Variants in GMEB1 observed in about 807,000 individuals in gnomAD.
GMEB1 encodes glucocorticoid modulatory element binding protein 1.
Under a neutral mutation model 52.4 loss-of-function variants are expected in GMEB1, and 6 were observed. That is an observed-to-expected ratio of 0.11 (90% CI 0.06 to 0.23). The LOEUF is 0.23. Among genes scored for constraint, GMEB1 ranks in the 10% least tolerant of loss-of-function variants. The probability of loss-of-function intolerance (pLI) is 1.00; values close to 1 mark genes in which losing one functional copy is unlikely to be tolerated. For missense variants in GMEB1, 486 were observed against 685.6 expected, an observed-to-expected ratio of 0.71 and a Z score of 3.25; for synonymous variants, 255 against 244.9, an observed-to-expected ratio of 1.04 and a Z score of -0.38.
intron 2 of GMEB1, among the ~76,000 whole-genome samples, chr1:28,685,596 A>G (rs1328604155): frequency 1.3e-5 from 2 of 152,180 alleles, no homozygotes; most frequent in South Asian, 2.1e-4. Flanking sequence ...CTATGGCCAT[A>G]GTAGATATAG....
intron 1 of GMEB1, among the ~76,000 whole-genome samples, chr1:28,672,712 T>C (rs1284040997): frequency 6.6e-6 from 1 of 150,704 alleles, no homozygotes; most frequent in Non-Finnish European, 1.5e-5. Context: ...CCCTCCCCAC[T>C]CTGGCCTGGG....
chr1:28,687,377 C>CAAAAAAAAAAAAA lies in GMEB1; in HGVS notation c.129-2726_129-2725insAAAAAAAAAAAAA, dbSNP rs1260455703. ...ACACACACACACACACACACACACACACACACACACAAAAAAAGACAGTGG... is the reference window on the plus strand; with the variant it reads ...ACACACACACACACACACACACACACAAAAAAAAAAAAAACACACACACAAAAAAAGACAGTGG... On this transcript the variant is annotated intron_variant, in intron 2 of 9. Transcript: ENST00000373816. Among the ~76,000 whole-genome samples the CAAAAAAAAAAAAA allele has an allele frequency of 1.4e-3, 21 of 14,788 alleles. 6 individuals carry two copies. The highest frequency in any genetic ancestry group is 2.5e-3 in the African/African-American group (13 of 5,152). 9.7% of individuals were successfully genotyped at this position (14,788 alleles called of 152,430 possible).
At chr1:28,686,349 A>T (rs1669638946) in intron 2 of GMEB1, among the ~76,000 whole-genome samples, 1 of 151,614 alleles carries the variant, frequency 6.6e-6, no homozygotes, top group South Asian at 2.1e-4. Flanking sequence ...TCAAAAAAAC[A>T]AAAAAAAGGC....
chr1:28,694,637 T>C, intron 5 of GMEB1, among the ~76,000 whole-genome samples: 1 of 151,910 alleles, frequency 6.6e-6, no homozygotes, highest in East Asian at 1.9e-4. Context: ...TGAGCCAGTG[T>C]GGCCAGCTGA....
chr1:28,674,885 A>C (rs1019575156), intron 1 of GMEB1, among the ~76,000 whole-genome samples: 1 of 138,298 alleles, frequency 7.2e-6, no homozygotes, highest in African/African-American at 2.7e-5. Context: ...CGCCCGGCTA[A>C]TTTTTTGTAT....
intron 1 of GMEB1, among the ~76,000 whole-genome samples, chr1:28,670,340 T>C (rs1668827403): frequency 6.6e-6 from 1 of 150,426 alleles, no homozygotes; most frequent in African/African-American, 2.5e-5. Context: ...TTGTTGTTGT[T>C]GTTTGAGACG....
intron 4 of GMEB1, among the ~76,000 whole-genome samples, chr1:28,692,468 T>A (rs1225370255): frequency 6.6e-6 from 1 of 151,710 alleles, no homozygotes; most frequent in East Asian, 1.9e-4. Context: ...GGGGCAGAGG[T>A]TGCAGTGAGT....
rs1337890599 is a variant in GMEB1 at position 28,714,115 on chromosome 1, A to C, written c.1034A>C (p.Asp345Ala). The C allele has an allele frequency of 6.2e-7, 1 of 1,613,486 alleles. No individual in the cohort carries two copies. Among genetic ancestry groups the C allele is most frequent in the Non-Finnish European group, 8.5e-7 (1 of 1,179,538 alleles). Residue 345 changes from aspartate to alanine, a missense_variant, in exon 10 of 10, where the codon GAT becomes GCT. Around this residue, in one of 5 missense-constraint regions of GMEB1, gnomAD observed 200 missense variants for 253.5 expected, o/e 0.79. Transcript: ENST00000373816. The part of the protein sequence containing the change: ...QLEEQKKQGQ[D>A]HRLKSQTVQN... ...GAGGAGCAGAAGAAGCAAGGCCAGG[A>C]TCACAGGCTGAAATCTCAGACAGTT...
At chr1:28,680,059 C>T (rs555437954) in intron 1 of GMEB1, among the ~76,000 whole-genome samples, 10 of 152,056 alleles carry the variant, frequency 6.6e-5, no homozygotes, top group African/African-American at 9.6e-5. Context: ...CCGCCTGCCT[C>T]GGCCTCCCAA....
intron 9 of GMEB1, 86 bp downstream of exon 9, chr1:28,710,728 C>CTTTT: frequency 1.5e-6 from 1 of 677,848 alleles, no homozygotes; most frequent in Non-Finnish European, 2.0e-6. Flanking sequence ...GTTGGGGTAA[C>CTTTT]TTTTTTTTTT....
chr1:28,679,896 C>T (rs979910044), intron 1 of GMEB1, among the ~76,000 whole-genome samples: 14 of 151,956 alleles, frequency 9.2e-5, no homozygotes, highest in African/African-American at 3.4e-4. Flanking sequence ...ACCTCTGCCT[C>T]CCGGGTTCAA....
chr1:28,669,277 C>T (rs550683790), intron 1 of GMEB1, among the ~76,000 whole-genome samples: 4 of 151,908 alleles, frequency 2.6e-5, no homozygotes, highest in African/African-American at 9.6e-5. Context: ...TCGAGGGGTC[C>T]GGGGAGCCTG....
chr1:28,702,608 G>T, intron 7 of GMEB1, 39 bp downstream of exon 7: 2 of 1,591,736 alleles, frequency 1.3e-6, no homozygotes, highest in Middle Eastern at 1.9e-4. Context: ...GCAGGGTCTT[G>T]TGAGCCTTAT....
At position 28,669,197 on chromosome 1, in the gene GMEB1, G is replaced by C. The variant is rs1668763241; in HGVS notation, c.-31+358G>C. 2.0e-5 allele frequency among the ~76,000 whole-genome samples: 3 copies of C among 151,768 alleles called. No homozygotes were observed. In the South Asian group the frequency reaches 6.2e-4, roughly 31 times the overall value. On this transcript the variant is annotated intron_variant, in intron 1 of 9. Coordinates refer to ENST00000373816, the MANE Select transcript of GMEB1 (RefSeq NM_001319674.2). ...CGCCCCCGGACCGAGGGGCCCGGAA[G>C]TACTCGGCTCAGGGGCCAGGAGGGG...
At chr1:28,713,701 G>GT (rs1671164055) in intron 9 of GMEB1, among the ~76,000 whole-genome samples, 3 of 152,294 alleles carry the variant, frequency 2.0e-5, no homozygotes, top group Non-Finnish European at 1.5e-5. Flanking sequence ...GAAAATCACT[G>GT]TTTTTTGGAG....
intron 5 of GMEB1, among the ~76,000 whole-genome samples, chr1:28,696,314 G>A (rs2124532074): frequency 6.6e-6 from 1 of 152,142 alleles, no homozygotes; most frequent in South Asian, 2.1e-4. Context: ...TGATCCTCCT[G>A]CCTTGGCCTG....
chr1:28,683,335 C>G (rs986517569), intron 1 of GMEB1, among the ~76,000 whole-genome samples: 5 of 152,068 alleles, frequency 3.3e-5, no homozygotes, highest in African/African-American at 1.2e-4. Context: ...AAGCGATTCT[C>G]CTTCCTCAGC....
At chr1:28,672,710 A>G (rs948792227) in intron 1 of GMEB1, among the ~76,000 whole-genome samples, 1 of 131,298 alleles carries the variant, frequency 7.6e-6, no homozygotes, top group Non-Finnish European at 1.6e-5. Flanking sequence ...ATCCCTCCCC[A>G]CTCTGGCCTG....
chr1:28,684,706 A>G (rs1226717437), intron 2 of GMEB1, among the ~76,000 whole-genome samples: 2 of 152,090 alleles, frequency 1.3e-5, no homozygotes, highest in Non-Finnish European at 2.9e-5. Context: ...ACATGGACAC[A>G]GGGAGGGGAA....
Sources: gnomAD v4.1 joint callset for allele counts (sites outside exome capture counted in the v4.1 genomes callset) on GRCh38, gnomAD v4.1.1 for gene constraint, gnomAD v4.1.1 regional missense constraint, MANE v1.5 for transcripts, NCBI Gene and HGNC (gene_info 2026-07-23, HGNC 2026-07-21) for gene names.